The following LDLRAD4 variants were observed in gnomAD, a reference collection of about 807,000 sequenced individuals.
The protein encoded by LDLRAD4 is low-density lipoprotein receptor class A domain-containing protein 4.
In LDLRAD4, 5 loss-of-function variants were observed where a neutral mutation model predicts 17.0. That is an observed-to-expected ratio of 0.29 (90% CI 0.15 to 0.62). LDLRAD4 has a LOEUF of 0.62. Ranked by LOEUF, LDLRAD4 falls within the 20% of genes least tolerant of loss-of-function variation. The pLI is 0.84. For missense variants in LDLRAD4, 340 were observed against 424.7 expected, an observed-to-expected ratio of 0.80 and a Z score of 1.75; for synonymous variants, 168 against 171.8, an observed-to-expected ratio of 0.98 and a Z score of 0.17.
chr18:13,322,228 ATTTTTAAAATGGCTCTCAC>A (rs1428131427), intron 1 of LDLRAD4, among the ~76,000 whole-genome samples: 1 of 147,536 alleles, frequency 6.8e-6, no homozygotes, highest in Non-Finnish European at 1.5e-5. Context: ...TTCACAGCTG[ATTTTTAAAATGGCTCTCAC>A]TTCTTTATTT....
intron 1 of LDLRAD4, among the ~76,000 whole-genome samples, chr18:13,257,395 AATG>A (rs1439345815): frequency 6.6e-6 from 1 of 152,142 alleles, no homozygotes; most frequent in Non-Finnish European, 1.5e-5. Flanking sequence ...TTCGTTCTGT[AATG>A]ATGATGTTTG....
At chr18:13,522,271 C>T (rs2093964492) in intron 3 of LDLRAD4, 1 of 150,244 alleles carries the variant, frequency 6.7e-6, no homozygotes, top group South Asian at 2.1e-4. Flanking sequence ...AGGACCTCTC[C>T]TCCTGCTATC....
At chr18:13,332,632 T>A (rs1276398682) in intron 1 of LDLRAD4, among the ~76,000 whole-genome samples, 1 of 152,222 alleles carries the variant, frequency 6.6e-6, no homozygotes, top group African/African-American at 2.4e-5. Context: ...TTCCAGAATG[T>A]CATATGGTTG....
intron 3 of LDLRAD4, among the ~76,000 whole-genome samples, chr18:13,620,680 C>G (rs1481864487): frequency 1.3e-5 from 2 of 152,218 alleles, no homozygotes; most frequent in African/African-American, 4.8e-5. Context: ...GGCCTGGAAA[C>G]AATGTGGATG....
At chr18:13,588,375 A>G (rs2094962974) in intron 3 of LDLRAD4, among the ~76,000 whole-genome samples, 1 of 152,224 alleles carries the variant, frequency 6.6e-6, no homozygotes, top group African/African-American at 2.4e-5. Context: ...TATACATAAC[A>G]TAACAAATTT....
Position 13,464,163 on chromosome 18 carries a change from A to G in LDLRAD4, c.181+25779A>G, listed in dbSNP as rs565536124. 9.2e-5 allele frequency among the ~76,000 whole-genome samples: 14 copies of G among 152,340 alleles called. 1 individual carries two copies. In the South Asian group the frequency reaches 2.9e-3, roughly 32 times the overall value. The stretch of plus-strand genomic sequence containing the variant: ...CAAATGGAGCTTTGGAGATCTCTCA[A>G]TTTGAAAGACTAATCTCTGCATAAA... On this transcript the variant is annotated intron_variant, in intron 3 of 5. Coordinates refer to ENST00000359446, the Ensembl canonical transcript of LDLRAD4.
At chr18:13,605,207 T>C (rs928077327) in intron 3 of LDLRAD4, among the ~76,000 whole-genome samples, 3 of 152,220 alleles carry the variant, frequency 2.0e-5, no homozygotes, top group African/African-American at 7.2e-5. Flanking sequence ...CTAGAAATAG[T>C]GTCTCAACAC....
chr18:13,368,382 G>A (rs1568058963), intron 1 of LDLRAD4, among the ~76,000 whole-genome samples: 1 of 152,158 alleles, frequency 6.6e-6, no homozygotes, highest in African/African-American at 2.4e-5. Context: ...CTGTGGGCAT[G>A]TGAGGTGTGC....
intron 3 of LDLRAD4, among the ~76,000 whole-genome samples, chr18:13,579,770 C>A (rs1363313274): frequency 7.9e-5 from 12 of 152,214 alleles, no homozygotes. Context: ...CTGGACACCA[C>A]CCTGCCATTT....
chr18:13,473,636 C>CATATATATATAT (rs71366054), intron 3 of LDLRAD4, among the ~76,000 whole-genome samples: 3 of 28,752 alleles, frequency 1.0e-4, no homozygotes, highest in South Asian at 2.6e-3. Context: ...GATCCCATCT[C>CATATATATATAT]ATATATATAT....
chr18:13,336,278 T>C (rs1002173565), intron 1 of LDLRAD4, among the ~76,000 whole-genome samples: 1 of 152,338 alleles, frequency 6.6e-6, no homozygotes, highest in South Asian at 2.1e-4. Flanking sequence ...TTGTTCTTTA[T>C]CTTTAAAGTC....
chr18:13,584,940 G>A (rs2094914700), intron 3 of LDLRAD4, among the ~76,000 whole-genome samples: 4 of 152,244 alleles, frequency 2.6e-5, no homozygotes, highest in Admixed American at 2.0e-4. Flanking sequence ...TAGGCAATTA[G>A]GGTGTCCTTA....
intron 3 of LDLRAD4, among the ~76,000 whole-genome samples, chr18:13,463,110 T>C (rs576405121): frequency 1.6e-4 from 24 of 152,268 alleles, no homozygotes; most frequent in African/African-American, 5.8e-4. Flanking sequence ...CCCCTGAAGA[T>C]GCCACACCGG....
chr18:13,258,842 C>G (rs750214259), intron 1 of LDLRAD4, among the ~76,000 whole-genome samples: 1 of 152,188 alleles, frequency 6.6e-6, no homozygotes, highest in Non-Finnish European at 1.5e-5. Flanking sequence ...GGAAGGATTA[C>G]ACCAGAAAAA....
chr18:13,528,689 T>C (rs2094076544), intron 3 of LDLRAD4, among the ~76,000 whole-genome samples: 1 of 152,214 alleles, frequency 6.6e-6, no homozygotes, highest in Admixed American at 6.5e-5. Flanking sequence ...GTTTGCAAAT[T>C]TATGCCACTT....
intron 2 of LDLRAD4, among the ~76,000 whole-genome samples, chr18:13,433,330 T>A (rs2090460057): frequency 6.6e-6 from 1 of 152,236 alleles, no homozygotes; most frequent in African/African-American, 2.4e-5. Context: ...ATGATAGAAG[T>A]GTGAACTAAA....
chr18:13,328,128 A>G (rs2081634132), intron 1 of LDLRAD4, among the ~76,000 whole-genome samples: 1 of 152,140 alleles, frequency 6.6e-6, no homozygotes, highest in Admixed American at 6.5e-5. Context: ...CAAACAACTA[A>G]CCAGCATTCT....
chr18:13,449,990 T>G (rs975225767), intron 3 of LDLRAD4, among the ~76,000 whole-genome samples: 2 of 152,206 alleles, frequency 1.3e-5, no homozygotes, highest in African/African-American at 4.8e-5. Flanking sequence ...TTCACGTGAC[T>G]TTTTGTGGAA....
intron 3 of LDLRAD4, among the ~76,000 whole-genome samples, chr18:13,444,129 A>T (rs7244646): frequency 0.017 from 2,580 of 152,352 alleles, 85 homozygotes; most frequent in African/African-American, 0.06. Context: ...TAACTTAAGG[A>T]TGGGGGTTCC....
Sources: allele counts gnomAD v4.1 joint callset (sites outside exome capture counted in the v4.1 genomes callset), GRCh38; gene constraint gnomAD v4.1.1; transcripts MANE v1.5; gene names NCBI Gene and HGNC (gene_info 2026-07-23, HGNC 2026-07-21).